Variants in ARNT2 observed in about 807,000 individuals in gnomAD.
The protein encoded by ARNT2 is ARNT protein 2.
Under a neutral mutation model 91.7 loss-of-function variants are expected in ARNT2, and 36 were observed. The observed-to-expected ratio is 0.39, with a 90% CI of 0.30 to 0.52. ARNT2 has a LOEUF of 0.52. ARNT2 is among the 20% of genes least tolerant of loss of function. The pLI is 0.72. For missense variants in ARNT2, 775 were observed against 939.3 expected (o/e 0.83, Z 2.29); for synonymous variants, 365 against 347.1 (o/e 1.05, Z -0.57).
chr15:80,594,936 G>A lies in ARNT2; in HGVS notation c.*1238G>A, dbSNP rs1448867345. On this transcript the variant is annotated 3_prime_UTR_variant, in exon 19 of 19. Coordinates refer to ENST00000303329, the MANE Select transcript of ARNT2 (RefSeq NM_014862.4). ...GCAGAAGACATGGGTTCCAGTTCTG[G>A]TTCTGCCACACACCCACCGGCCTTG... The A allele has an allele frequency of 6.6e-6, 1 of 152,114 alleles. No homozygotes were observed. Among genetic ancestry groups the A allele is most frequent in the Non-Finnish European group, 1.5e-5 (1 of 68,044 alleles). 9.4% of individuals were successfully genotyped at this position (152,114 alleles called of 1,614,324 possible).
intron 1 of ARNT2, among the ~76,000 whole-genome samples, chr15:80,410,431 C>A (rs1895664244): frequency 6.6e-6 from 1 of 152,160 alleles, no homozygotes; most frequent in African/African-American, 2.4e-5. Flanking sequence ...GTGCTCCAGG[C>A]TTCAGTATTG....
chr15:80,575,103 T>A lies in ARNT2; in HGVS notation c.1506T>A (p.Ile502=). ...DPRFAEMFAG[I]SASEKKMMSS... ...GGTTTGCTGAAATGTTTGCAGGAATTAGTGCATGTAAGTTTCCAAATGGTA... is the reference window on the plus strand; with the variant it reads ...GGTTTGCTGAAATGTTTGCAGGAATAAGTGCATGTAAGTTTCCAAATGGTA... The change falls in exon 14 of 19, where the codon ATT becomes ATA. Residue 502 remains isoleucine, a synonymous_variant. Coordinates refer to ENST00000303329, the MANE Select transcript of ARNT2 (RefSeq NM_014862.4). The A allele has an allele frequency of 1.9e-6, 3 of 1,614,090 alleles. No homozygotes were observed. Among genetic ancestry groups the A allele is most frequent in the Non-Finnish European group, 2.5e-6 (3 of 1,179,972 alleles).
chr15:80,446,014 A>G (rs1018333974), intron 1 of ARNT2, among the ~76,000 whole-genome samples: 1 of 152,052 alleles, frequency 6.6e-6, no homozygotes, highest in Non-Finnish European at 1.5e-5. Flanking sequence ...GTGTGTGTGT[A>G]TTTTTATTGA....
intron 8 of ARNT2, among the ~76,000 whole-genome samples, chr15:80,539,088 G>A (rs1897867489): frequency 6.6e-6 from 1 of 151,758 alleles, no homozygotes; most frequent in African/African-American, 2.4e-5. Flanking sequence ...TGACAAAACT[G>A]CACCCCAAAT....
chr15:80,551,397 T>A, intron 9 of ARNT2, 122 bp downstream of exon 9: 1 of 907,020 alleles, frequency 1.1e-6, no homozygotes, highest in Admixed American at 2.2e-5. Flanking sequence ...TTGGGTTTCG[T>A]GTCTCACTCT....
chr15:80,414,200 G>T (rs1170290837), intron 1 of ARNT2, among the ~76,000 whole-genome samples: 2 of 152,234 alleles, frequency 1.3e-5, no homozygotes, highest in South Asian at 2.1e-4. Flanking sequence ...GGGGGCATTT[G>T]CAATGTCTGG....
chr15:80,531,788 G>T (rs1379843152), intron 8 of ARNT2, among the ~76,000 whole-genome samples: 1 of 152,214 alleles, frequency 6.6e-6, no homozygotes, highest in Admixed American at 6.5e-5. Flanking sequence ...GAGCCAAAGA[G>T]AACCTGGGGC....
chr15:80,408,630 C>G (rs1895637874), intron 1 of ARNT2, among the ~76,000 whole-genome samples: 1 of 152,178 alleles, frequency 6.6e-6, no homozygotes, highest in Non-Finnish European at 1.5e-5. Flanking sequence ...TGCTTGCAAG[C>G]TGTCCTGCCT....
chr15:80,577,520 G>C (rs1300898049), intron 15 of ARNT2, among the ~76,000 whole-genome samples: 4 of 152,198 alleles, frequency 2.6e-5, no homozygotes, highest in African/African-American at 9.6e-5. Flanking sequence ...ACTGACTTCT[G>C]GGGAGACAGA....
At chr15:80,474,977 T>C in intron 4 of ARNT2, 33 bp from the exon 5 acceptor site, 1 of 1,605,576 alleles carries the variant, frequency 6.2e-7, no homozygotes. Flanking sequence ...GGTCTGTCAG[T>C]GTATTGTGCC....
At position 80,495,010 on chromosome 15, in the gene ARNT2, C is replaced by G. The variant is rs148765721; in HGVS notation, c.623-13146C>G. On this transcript the variant is annotated intron_variant, in intron 5 of 18. Transcript: ENST00000303329. ...GCAAACAGACTGCTTGGCGGAAAGG[C>G]TCTTCTGAGTGTCTGCAGGGCCTAT... Among the ~76,000 whole-genome samples, 575 of 152,240 alleles carry G rather than the reference C, an allele frequency of 3.8e-3. 7 individuals are homozygous for G. Among genetic ancestry groups the G allele is most frequent in the African/African-American group, 0.013 (551 of 41,524 alleles).
chr15:80,571,737 A>G (rs1261732695), intron 12 of ARNT2, among the ~76,000 whole-genome samples: 1 of 152,162 alleles, frequency 6.6e-6, no homozygotes, highest in Non-Finnish European at 1.5e-5. Flanking sequence ...TTGCTAGCCT[A>G]GGGGCTCTTC....
At chr15:80,588,319 G>T (rs1408748343) in intron 17 of ARNT2, among the ~76,000 whole-genome samples, 1 of 151,802 alleles carries the variant, frequency 6.6e-6, no homozygotes, top group Non-Finnish European at 1.5e-5. Context: ...TCTGTGTTTT[G>T]AGCCACTGTC....
chr15:80,503,606 C>T (rs954551001), intron 5 of ARNT2, among the ~76,000 whole-genome samples: 2 of 152,202 alleles, frequency 1.3e-5, no homozygotes, highest in African/African-American at 4.8e-5. Flanking sequence ...CAGCTGAAAC[C>T]ATTTGCCATT....
intron 15 of ARNT2, among the ~76,000 whole-genome samples, chr15:80,577,824 G>C (rs1176628369): frequency 1.3e-5 from 2 of 152,236 alleles, no homozygotes; most frequent in African/African-American, 2.4e-5. Context: ...CAGATTAGCA[G>C]ACATTGCAGG....
At chr15:80,549,577 A>G (rs1013875611) in intron 8 of ARNT2, among the ~76,000 whole-genome samples, 2 of 152,226 alleles carry the variant, frequency 1.3e-5, no homozygotes, top group African/African-American at 4.8e-5. Flanking sequence ...AGATATAAAA[A>G]ATGATCCTCA....
rs1567178254 is a variant in ARNT2 at position 80,433,237 on chromosome 15, A to ATTTTATTTTATTTTATTTTAT, written c.32-17639_32-17619dup. Among the ~76,000 whole-genome samples, 262 of 31,162 alleles carry ATTTTATTTTATTTTATTTTAT rather than the reference A, an allele frequency of 8.4e-3. 5 individuals carry two copies. The highest frequency in any genetic ancestry group is 0.046 in the African/African-American group (259 of 5,574). The allele number at this position is 31,162 out of a possible 152,430, so 20.4% of individuals were successfully genotyped here. ...TTAGAAAAGGCACTATATTTTATTT[A>ATTTTATTTTATTTTATTTTAT]TTTTATTTTATTTTATTTTATTTTA... is the stretch of plus-strand genomic sequence containing the variant. On this transcript the variant is annotated intron_variant, in intron 1 of 18. Transcript: ENST00000303329.
At chr15:80,457,272 G>A (rs1025379756) in intron 2 of ARNT2, among the ~76,000 whole-genome samples, 12 of 152,218 alleles carry the variant, frequency 7.9e-5, no homozygotes, top group South Asian at 6.2e-4. Context: ...GTTTCCACAA[G>A]CACAGCTGAT....
intron 8 of ARNT2, among the ~76,000 whole-genome samples, chr15:80,523,714 G>C (rs897587187): frequency 1.1e-4 from 16 of 152,178 alleles, no homozygotes; most frequent in African/African-American, 3.4e-4. Context: ...TTATGGATGG[G>C]AGTGAGAAAG....
Sources: gnomAD v4.1 joint callset for allele counts (sites outside exome capture counted in the v4.1 genomes callset) on GRCh38, gnomAD v4.1.1 for gene constraint, MANE v1.5 for transcripts, NCBI Gene and HGNC (gene_info 2026-07-23, HGNC 2026-07-21) for gene names.